Variants in RFX1 observed in about 807,000 individuals in gnomAD.
The protein encoded by RFX1 is MHC class II regulatory factor RFX1.
Under a neutral mutation model 119.6 loss-of-function variants are expected in RFX1, and 42 were observed. The ratio of observed to expected loss-of-function variants is 0.35; its 90% CI spans 0.27 to 0.45. The LOEUF is 0.45. Among genes scored for constraint, RFX1 ranks in the 20% least tolerant of loss-of-function variants. The probability of loss-of-function intolerance (pLI) is 1.00; values close to 1 mark genes in which losing one functional copy is unlikely to be tolerated. For synonymous variants in RFX1, 628 were observed against 618.5 expected, an observed-to-expected ratio of 1.02 and a Z score of -0.23; for missense variants, 1,118 against 1,368.1, an observed-to-expected ratio of 0.82 and a Z score of 2.88.
At chr19:13,988,183 C>T (rs533846631) in intron 2 of RFX1, among the ~76,000 whole-genome samples, 16 of 152,238 alleles carry the variant, frequency 1.1e-4, no homozygotes, top group East Asian at 3.9e-4. Flanking sequence ...CACGCCAACA[C>T]GCCGGGCTAA....
chr19:13,993,498 T>C lies in RFX1; in HGVS notation c.319+27A>G, dbSNP rs936077482. On this transcript the variant is annotated intron_variant, in intron 2 of 20. Transcript: ENST00000254325. ...TATCTGAACAACTCTGAGAGGAGTT[T>C]TCAGGACACACGAGCGCGGCACTTA... The C allele has an allele frequency of 1.9e-6, 3 of 1,594,946 alleles. No individual in the cohort carries two copies. In the African/African-American group the frequency reaches 4.0e-5, roughly 21 times the overall value.
chr19:13,971,650 C>A (rs1251222973), intron 9 of RFX1, among the ~76,000 whole-genome samples: 2 of 152,116 alleles, frequency 1.3e-5, no homozygotes, highest in African/African-American at 4.8e-5. Flanking sequence ...CTGGGAGGAT[C>A]GCCTGAGGCC....
chr19:13,993,418 T>G, intron 2 of RFX1, 107 bp downstream of exon 2: 1 of 1,128,222 alleles, frequency 8.9e-7, no homozygotes, highest in Admixed American at 2.5e-5. Context: ...CCAAGTCCCA[T>G]CCAGAAACCT....
chr19:13,972,829 C>G lies in RFX1; in HGVS notation c.1228G>C (p.Ala410Pro). The G allele has an allele frequency of 1.3e-6, 2 of 1,598,192 alleles. No individual in the cohort carries two copies. The highest frequency in any genetic ancestry group is 1.7e-6 in the Non-Finnish European group (2 of 1,174,072). Residue 410 changes from alanine (A) to proline (P), a missense_variant, in exon 9 of 21, where the codon GCA becomes CCA. Physicochemically the swap from Ala to Pro is conservative, Grantham distance 27. Transcript: ENST00000254325. ...CCGCCTTGGATCACGTAGGTGCCTGCTCCGCTGCCGCCGCCTCCGGTGCTG... is the reference window on the plus strand; with the variant it reads ...CCGCCTTGGATCACGTAGGTGCCTGGTCCGCTGCCGCCGCCTCCGGTGCTG... ...SGSTGGGGSG[A>P]GTYVIQGGYM...
intron 20 of RFX1, 58 bp downstream of exon 20, chr19:13,962,936 C>T: frequency 6.5e-7 from 1 of 1,547,292 alleles, no homozygotes; most frequent in Non-Finnish European, 8.7e-7. Context: ...CTCCCGAGCC[C>T]CTCCGTTGTC....
chr19:13,980,731 T>TGCATCCTCACTGGGGTGGGCTC lies in RFX1; in HGVS notation c.622-43_622-42insGAGCCCACCCCAGTGAGGATGC. ...CACAGGAGTGCCGCTGGGGTGGGCT[T>TGCATCCTCACTGGGGTGGGCTC]GCATCCTCTCTGAGGTGGGCTCACA... On this transcript the variant is annotated intron_variant, in intron 5 of 20. Transcript: ENST00000254325. This position sits in a 1 kb window ranked among gnomAD's most constrained non-coding sequence, Gnocchi z 5.1. The TGCATCCTCACTGGGGTGGGCTC allele has an allele frequency of 2.5e-6, 3 of 1,201,554 alleles. No homozygotes were observed. The highest frequency in any genetic ancestry group is 1.9e-4 in the Middle Eastern group (1 of 5,214). 74.4% of individuals were successfully genotyped at this position (1,201,554 alleles called of 1,614,324 possible).
intron 12 of RFX1, among the ~76,000 whole-genome samples, chr19:13,967,715 G>A (rs991977833): frequency 2.5e-4 from 37 of 148,466 alleles, no homozygotes; most frequent in Non-Finnish European, 4.2e-4. Context: ...GACCTCAAGC[G>A]ATTCCTCCAG....
chr19:13,995,780 G>A (rs574665796), intron 1 of RFX1, among the ~76,000 whole-genome samples: 75 of 150,860 alleles, frequency 5.0e-4, no homozygotes, highest in Non-Finnish European at 1.0e-3. Context: ...GAACCTGGGA[G>A]GCGGAGGTTG....
Position 13,968,446 on chromosome 19 carries a change from G to A in RFX1, c.1732+119C>T, listed in dbSNP as rs1973972102. On this transcript the variant is annotated intron_variant, in intron 12 of 20. Transcript: ENST00000254325. This position sits in a 1 kb window ranked among gnomAD's most constrained non-coding sequence, Gnocchi z 5.5. ...CTCCCCCACCCCCTGCTGGTTCTCG[G>A]GCATCTCTCACCAAGCCCTCCCCAG... The A allele has an allele frequency of 2.6e-6, 2 of 771,782 alleles. No individual in the cohort carries two copies. The highest frequency in any genetic ancestry group is 4.5e-6 in the Non-Finnish European group (2 of 441,714). The allele number at this position is 771,782 out of a possible 1,614,324, so 47.8% of individuals were successfully genotyped here. A position where few individuals can be genotyped will look rare whatever the true frequency, so the allele number is the denominator to read the frequency against.
chr19:13,968,728 T>G lies in RFX1; in HGVS notation c.1616+47A>C. On this transcript the variant is annotated intron_variant, in intron 11 of 20. Transcript: ENST00000254325. This position sits in a 1 kb window ranked among gnomAD's most constrained non-coding sequence, Gnocchi z 5.5. ...GCCGGCTGCTGGGGGCCGGCCTGTGTGCCCTTCCCCGCCTGCCCTGCCCTG... is the reference window on the plus strand; with the variant it reads ...GCCGGCTGCTGGGGGCCGGCCTGTGGGCCCTTCCCCGCCTGCCCTGCCCTG... 1 of 1,609,116 alleles carries G rather than the reference T, an allele frequency of 6.2e-7. No individual in the cohort carries two copies. The highest frequency in any genetic ancestry group is 8.5e-7 in the Non-Finnish European group (1 of 1,178,284).
At chr19:14,006,651 G>C (rs1975391164), upstream of RFX1, 1 of 152,286 alleles carries the variant, frequency 6.6e-6, no homozygotes, top group Non-Finnish European at 1.5e-5. Flanking sequence ...ATCTACCAAA[G>C]GTTTGCCGCG....
chr19:13,983,422 G>T, intron 3 of RFX1, 64 bp downstream of exon 3: 1 of 1,344,810 alleles, frequency 7.4e-7, no homozygotes, highest in Non-Finnish European at 1.0e-6. Context: ...AGGCCCCCGA[G>T]GACGCAGCCT....
chr19:13,982,277 G>T, intron 4 of RFX1, 49 bp from the exon 5 acceptor site: 1 of 1,084,416 alleles, frequency 9.2e-7, no homozygotes, highest in Non-Finnish European at 1.2e-6. Flanking sequence ...GACAGCCCGT[G>T]CAGTTGCACC....
chr19:13,962,600 C>G lies in RFX1; in HGVS notation c.*95G>C. 9.5e-7 allele frequency: 1 copy of G among 1,057,268 alleles called. No homozygotes were observed. The allele number at this position is 1,057,268 out of a possible 1,614,324, so 65.5% of individuals were successfully genotyped here. A position where few individuals can be genotyped will look rare whatever the true frequency, so the allele number is the denominator to read the frequency against. On this transcript the variant is annotated 3_prime_UTR_variant, in exon 21 of 21. Coordinates refer to ENST00000254325, the MANE Select transcript of RFX1 (RefSeq NM_002918.5). Reference sequence around the variant, plus strand: ...CTCGGAGTCCCCCTCCCTGCCCTGGCTGAGGCTGGAGCAGTGACCACGAAG... The same window carrying G: ...CTCGGAGTCCCCCTCCCTGCCCTGGGTGAGGCTGGAGCAGTGACCACGAAG...
Position 13,970,110 on chromosome 19 carries a change from G to A in RFX1, c.1380C>T (p.Tyr460=), listed in dbSNP as rs1487762142. 6.2e-7 allele frequency: 1 copy of A among 1,614,050 alleles called. No homozygotes were observed. The highest frequency in any genetic ancestry group is 1.1e-5 in the South Asian group (1 of 91,088). Residue 460 remains tyrosine (Y), a synonymous_variant, in exon 10 of 21, where the codon TAC becomes TAT. Transcript: ENST00000254325. ...EGVSLPRSTL[Y]CHYLLHCQEQ... ...CCTGGCAGTGCAGTAAGTAGTGGCAGTAGAGGGTGCTCCGTGGCAGACTCA... is the reference window on the plus strand; with the variant it reads ...CCTGGCAGTGCAGTAAGTAGTGGCAATAGAGGGTGCTCCGTGGCAGACTCA...
chr19:13,991,388 G>A (rs1030238177), intron 2 of RFX1, among the ~76,000 whole-genome samples: 9 of 152,182 alleles, frequency 5.9e-5, no homozygotes, highest in Non-Finnish European at 1.3e-4. Context: ...GAGGTTTGTG[G>A]CCTGAAGACC....
rs576502957 is a variant in RFX1 at position 13,985,270 on chromosome 19, C to A, written c.320-1675G>T. The stretch of plus-strand genomic sequence containing the variant: ...TCTGCTCACTGAAATCTCCGCCTCC[C>A]GGTTCAAGTGATTCTCCTGCCTCAA... On this transcript the variant is annotated intron_variant, in intron 2 of 20. Transcript: ENST00000254325. The surrounding 1 kb of genome is among the most constrained non-coding windows in gnomAD (Gnocchi z 4.3). 3.9e-5 allele frequency among the ~76,000 whole-genome samples: 6 copies of A among 151,994 alleles called. No homozygotes were observed. The highest frequency in any genetic ancestry group is 1.5e-5 in the Non-Finnish European group (1 of 68,010).
intron 12 of RFX1, among the ~76,000 whole-genome samples, chr19:13,967,865 G>T (rs1973954749): frequency 6.6e-6 from 1 of 152,232 alleles, no homozygotes; most frequent in East Asian, 1.9e-4. Flanking sequence ...GGGATGGCTG[G>T]ATGGGAAAGC....
intron 1 of RFX1, among the ~76,000 whole-genome samples, chr19:14,000,872 A>T (rs1975193591): frequency 1.3e-5 from 2 of 152,130 alleles, no homozygotes; most frequent in Admixed American, 1.3e-4. Flanking sequence ...GGGCAGGAAG[A>T]TTGCTTGAGG....
Sources: gnomAD v4.1 joint callset for allele counts (sites outside exome capture counted in the v4.1 genomes callset) on GRCh38, gnomAD v4.1.1 for gene constraint, Gnocchi (gnomAD v3.1) non-coding constraint, MANE v1.5 for transcripts, NCBI Gene and HGNC (gene_info 2026-07-23, HGNC 2026-07-21) for gene names.